Variants in TUBGCP3 observed in about 807,000 individuals in gnomAD.
TUBGCP3 encodes tubulin gamma complex component 3.
TUBGCP3 carries 50 observed loss-of-function variants against 123.1 expected under a neutral mutation model. That is an observed-to-expected ratio of 0.41 (90% confidence interval 0.32 to 0.51). TUBGCP3 has a LOEUF of 0.51. Ranked by LOEUF, TUBGCP3 falls within the 20% of genes least tolerant of loss-of-function variation. TUBGCP3 has a pLI of 0.36. For synonymous variants in TUBGCP3, 405 were observed against 413.9 expected, an observed-to-expected ratio of 0.98 and a Z score of 0.26; for missense variants, 882 against 1,127.0, an observed-to-expected ratio of 0.78 and a Z score of 3.11.
chr13:112,587,944 G>A lies in TUBGCP3; in HGVS notation c.37C>T (p.Leu13=), dbSNP rs775934878. ...TPDQKSPNVL[L]QNLCCRILGR... ...AGGATCCTGCAGCACAGGTTCTGCA[G>A]CAGAACGTTCGGCGACTTCTGGTCC... Residue 13 remains leucine (L), a synonymous_variant, in exon 1 of 22, where the codon CTG becomes TTG. Coordinates refer to ENST00000261965, the MANE Select transcript of TUBGCP3 (RefSeq NM_006322.6). The A allele has an allele frequency of 5.0e-6, 8 of 1,593,660 alleles. No homozygotes were observed. Among genetic ancestry groups the A allele is most frequent in the African/African-American group, 1.4e-5 (1 of 72,436 alleles).
chr13:112,512,285 T>C (rs1261250604), intron 17 of TUBGCP3, among the ~76,000 whole-genome samples: 1 of 151,840 alleles, frequency 6.6e-6, no homozygotes, highest in Non-Finnish European at 1.5e-5. Flanking sequence ...AAAAATTAGC[T>C]GGGCATGGTG....
Position 112,587,886 on chromosome 13 carries a change from C to A in TUBGCP3, c.76+19G>T, listed in dbSNP as rs778040486. 3.8e-6 allele frequency: 6 copies of A among 1,583,692 alleles called. No individual in the cohort carries two copies. The Admixed American group carries it at 1.1e-4, about 28-fold the overall frequency. ...CCCCGGGACGGGTCTGCGGGCTTCGCGTCGCCCGGCCACTCTACCTTCGCT... is the reference window on the plus strand; with the variant it reads ...CCCCGGGACGGGTCTGCGGGCTTCGAGTCGCCCGGCCACTCTACCTTCGCT... On this transcript the variant is annotated intron_variant, in intron 1 of 21. Transcript: ENST00000261965.
chr13:112,488,642 T>C (rs1478799458), intron 21 of TUBGCP3, among the ~76,000 whole-genome samples: 881 of 83,116 alleles, frequency 0.011, no homozygotes, highest in Middle Eastern at 0.02. Context: ...AGCACAGGGG[T>C]CACCCCCAGG....
intron 8 of TUBGCP3, among the ~76,000 whole-genome samples, chr13:112,552,549 T>C (rs978569320): frequency 1.3e-5 from 2 of 152,224 alleles, no homozygotes; most frequent in Non-Finnish European, 1.5e-5. Flanking sequence ...AGCATCTTTA[T>C]ACGCATTCTC....
intron 2 of TUBGCP3, 86 bp from the exon 3 acceptor site, chr13:112,565,264 C>T: frequency 8.5e-7 from 1 of 1,169,708 alleles, no homozygotes; most frequent in Non-Finnish European, 1.2e-6. Context: ...AACACCATAA[C>T]TCGCAAGTGA....
intron 11 of TUBGCP3, among the ~76,000 whole-genome samples, chr13:112,535,993 T>A (rs1878015566): frequency 6.6e-6 from 1 of 152,236 alleles, no homozygotes; most frequent in African/African-American, 2.4e-5. Context: ...CATCCAGTTG[T>A]CCTGTTATCA....
At position 112,547,595 on chromosome 13, in the gene TUBGCP3, T is replaced by C. The variant is rs543578460; in HGVS notation, c.1168+25A>G. ...GGGAAAGTCGCGCGTGGGAAAGACGTGCGTGGGAAAGACGCGCGTGGGACC... is the reference window on the plus strand; with the variant it reads ...GGGAAAGTCGCGCGTGGGAAAGACGCGCGTGGGAAAGACGCGCGTGGGACC... On this transcript the variant is annotated intron_variant, in intron 10 of 21. Coordinates refer to ENST00000261965, the MANE Select transcript of TUBGCP3 (RefSeq NM_006322.6). The C allele has an allele frequency of 3.0e-4, 427 of 1,412,770 alleles. 2 individuals are homozygous for C. In the East Asian group the frequency reaches 3.3e-3, roughly 11 times the overall value. The allele number at this position is 1,412,770 out of a possible 1,614,324, so 87.5% of individuals were successfully genotyped here.
intron 18 of TUBGCP3, among the ~76,000 whole-genome samples, chr13:112,504,411 C>T (rs1881142566): frequency 1.3e-5 from 2 of 151,400 alleles, no homozygotes. Context: ...TCGCTTGAAC[C>T]CAGGAGGCAG....
chr13:112,486,000 T>C lies in TUBGCP3; in HGVS notation c.2717A>G (p.His906Arg), dbSNP rs925773336. The change falls in exon 22 of 22, where the codon CAC (histidine) becomes CGC (arginine). Residue 906 changes from histidine (H) to arginine (R), a missense_variant. Physicochemically the swap from His to Arg is conservative, Grantham distance 29. Around this residue, in one of 3 missense-constraint regions of TUBGCP3, gnomAD observed 160 missense variants for 220.3 expected, o/e 0.73. Coordinates refer to ENST00000261965, the MANE Select transcript of TUBGCP3 (RefSeq NM_006322.6). ...SLGTRGRRSS[H>R]T Reference sequence around the variant, plus strand: ...CTGGGAGGACCGCGAGCTTCACGTGTGGGAGCTGCGCCGCCCCCTGGTACC... The same window carrying C: ...CTGGGAGGACCGCGAGCTTCACGTGCGGGAGCTGCGCCGCCCCCTGGTACC... The C allele has an allele frequency of 2.5e-6, 4 of 1,598,266 alleles. No individual in the cohort carries two copies. The African/African-American group carries it at 5.3e-5, about 21-fold the overall frequency.
intron 20 of TUBGCP3, 158 bp downstream of exon 20, chr13:112,498,887 A>G: frequency 6.2e-7 from 1 of 1,613,098 alleles, no homozygotes; most frequent in Non-Finnish European, 8.5e-7. Context: ...CCTCTTTACA[A>G]CTGTCAGTGA....
At chr13:112,515,380 T>C (rs1320272606) in intron 17 of TUBGCP3, among the ~76,000 whole-genome samples, 8 of 152,130 alleles carry the variant, frequency 5.3e-5, no homozygotes, top group Non-Finnish European at 8.8e-5. Flanking sequence ...ATCTACCTGG[T>C]GGTATTCATA....
intron 1 of TUBGCP3, among the ~76,000 whole-genome samples, chr13:112,569,716 G>A (rs1381044732): frequency 2.0e-5 from 3 of 152,190 alleles, no homozygotes; most frequent in African/African-American, 7.2e-5. Flanking sequence ...AAACGCATGT[G>A]CCTCTACTCC....
the TUBGCP3 span, among the ~76,000 whole-genome samples, chr13:112,594,479 G>A: frequency 6.6e-6 from 1 of 152,108 alleles, no homozygotes; most frequent in Non-Finnish European, 1.5e-5. Context: ...ACCTGATAAA[G>A]GTCATCTATA....
chr13:112,554,390 T>C (rs1291359605), intron 7 of TUBGCP3, among the ~76,000 whole-genome samples: 1 of 152,164 alleles, frequency 6.6e-6, no homozygotes, highest in Admixed American at 6.5e-5. Context: ...GGTGAGCTCA[T>C]TTCACACCAC....
intron 17 of TUBGCP3, among the ~76,000 whole-genome samples, chr13:112,509,069 G>A (rs571605358): frequency 6.6e-6 from 1 of 152,260 alleles, no homozygotes; most frequent in African/African-American, 2.4e-5. Flanking sequence ...GCCCCATGTT[G>A]CAGCACAGTC....
chr13:112,555,939 GAAGAAACCACTAA>G, intron 6 of TUBGCP3, 100 bp downstream of exon 6: 1 of 1,246,372 alleles, frequency 8.0e-7, no homozygotes, highest in South Asian at 1.7e-5. Flanking sequence ...ATAAGAACAA[GAAGAAACCACTAA>G]AAGGTTTGAG....
intron 3 of TUBGCP3, among the ~76,000 whole-genome samples, chr13:112,562,181 A>T (rs538216376): frequency 7.7e-4 from 117 of 151,500 alleles, no homozygotes; most frequent in Non-Finnish European, 1.2e-3. Flanking sequence ...ACCAGCCAGG[A>T]CCCACTAGGG....
intron 21 of TUBGCP3, among the ~76,000 whole-genome samples, chr13:112,487,053 A>ATGTATG (rs1879719489): frequency 1.4e-5 from 2 of 147,412 alleles, no homozygotes; most frequent in African/African-American, 5.0e-5. Flanking sequence ...AACACTGTGT[A>ATGTATG]TGTGTGTGTG....
chr13:112,502,568 CAG>C (rs369343303), intron 19 of TUBGCP3, among the ~76,000 whole-genome samples: 8 of 121,086 alleles, frequency 6.6e-5, no homozygotes, highest in African/African-American at 1.7e-4. Flanking sequence ...TTTTTTGAGA[CAG>C]AGTCTCGCTC....
Sources: gnomAD v4.1 joint callset for allele counts (sites outside exome capture counted in the v4.1 genomes callset) on GRCh38, gnomAD v4.1.1 for gene constraint, gnomAD v4.1.1 regional missense constraint, MANE v1.5 for transcripts, NCBI Gene and HGNC (gene_info 2026-07-23, HGNC 2026-07-21) for gene names.